CTNNAL1: variants seen among roughly 807,000 people sequenced by gnomAD.
CTNNAL1 encodes the protein catenin alpha like 1, also known as alpha-catulin.
A neutral mutation model predicts 93.6 loss-of-function variants in CTNNAL1; 69 were observed. The ratio of observed to expected loss-of-function variants is 0.74; its 90% CI spans 0.61 to 0.90. The LOEUF is 0.90. CTNNAL1 is among the 40% of genes least tolerant of loss of function. The pLI is 0.00. For missense variants in CTNNAL1, 836 were observed against 862.0 expected, an observed-to-expected ratio of 0.97 and a Z score of 0.38; for synonymous variants, 286 against 305.4, an observed-to-expected ratio of 0.94 and a Z score of 0.66.
intron 11 of CTNNAL1, among the ~76,000 whole-genome samples, chr9:108,960,162 G>C (rs1467087750): frequency 6.6e-6 from 1 of 152,110 alleles, no homozygotes; most frequent in Admixed American, 6.5e-5. Flanking sequence ...CTAAAGCATA[G>C]GCAGCTTATC....
intron 2 of CTNNAL1, among the ~76,000 whole-genome samples, chr9:108,996,316 GACAA>G (rs1832017385): frequency 6.6e-6 from 1 of 152,026 alleles, no homozygotes; most frequent in African/African-American, 2.4e-5. Flanking sequence ...GAACACTGTT[GACAA>G]ACAAAGAAAA....
intron 1 of CTNNAL1, among the ~76,000 whole-genome samples, chr9:109,010,395 T>TA (rs1564155849): frequency 6.6e-6 from 1 of 152,236 alleles, no homozygotes; most frequent in Non-Finnish European, 1.5e-5. Context: ...CTCCTTGTCA[T>TA]ATTACACTGG....
chr9:108,948,853 C>G (rs1389316283), intron 14 of CTNNAL1, among the ~76,000 whole-genome samples: 1 of 151,810 alleles, frequency 6.6e-6, no homozygotes, highest in Non-Finnish European at 1.5e-5. Flanking sequence ...GAGCAATGGA[C>G]TAGGGATAAG....
intron 1 of CTNNAL1, among the ~76,000 whole-genome samples, chr9:109,003,109 G>A (rs886641508): frequency 3.3e-5 from 5 of 152,096 alleles, no homozygotes; most frequent in Non-Finnish European, 5.9e-5. Flanking sequence ...CTAAGGGTAC[G>A]ACTATAAAAT....
intron 10 of CTNNAL1, among the ~76,000 whole-genome samples, chr9:108,968,813 C>G (rs571048830): frequency 6.6e-6 from 1 of 152,254 alleles, no homozygotes; most frequent in African/African-American, 2.4e-5. Flanking sequence ...ATCAAAGATG[C>G]AGGGACTCAA....
intron 11 of CTNNAL1, among the ~76,000 whole-genome samples, chr9:108,964,312 T>C (rs1440177477): frequency 1.3e-5 from 2 of 152,160 alleles, no homozygotes; most frequent in Non-Finnish European, 2.9e-5. Context: ...ATTTTTAAAA[T>C]ATGAAATGTT....
rs113756580 is a variant in CTNNAL1, at chr9:108,958,002, G to A, written c.1592-2175C>T. Among the ~76,000 whole-genome samples, 375 of 119,544 alleles carry A rather than the reference G, an allele frequency of 3.1e-3. 2 individuals carry two copies. The highest frequency in any genetic ancestry group is 0.011 in the African/African-American group (355 of 31,110). 78.4% of individuals were successfully genotyped at this position (119,544 alleles called of 152,430 possible). ...GCGTAGTGGTGCATGCCTGTAGTCT[G>A]TTCTTTTTTCTGTTTTTTGTTTTGT... On this transcript the variant is annotated intron_variant, in intron 11 of 18. Transcript: ENST00000325551.
At chr9:108,972,864 G>GGGGGGGGGGCGCCCCCCCCCC in intron 8 of CTNNAL1, 31 bp from the exon 9 acceptor site, 3 of 142,566 alleles carry the variant, frequency 2.1e-5, no homozygotes, top group Non-Finnish European at 3.0e-5. Context: ...GGGGGGGTGG[G>GGGGGGGGGGCGCCCCCCCCCC]AGGGTGGAGA....
intron 14 of CTNNAL1, chr9:108,950,832 A>T: frequency 2.2e-6 from 1 of 451,792 alleles, no homozygotes; most frequent in East Asian, 3.6e-5. Context: ...TTGTGTCCCT[A>T]TGAGGTAAGA....
At chr9:108,948,424 AT>A (rs1351928664) in intron 14 of CTNNAL1, among the ~76,000 whole-genome samples, 190 bp from the exon 15 acceptor site, 1 of 152,190 alleles carries the variant, frequency 6.6e-6, no homozygotes, top group African/African-American at 2.4e-5. Flanking sequence ...TTATTAAGAT[AT>A]TTTTCCCCAA....
intron 12 of CTNNAL1, 27 bp from the exon 13 acceptor site, chr9:108,952,521 T>C (rs754431959): frequency 6.2e-7 from 1 of 1,613,232 alleles, no homozygotes; most frequent in South Asian, 1.1e-5. Flanking sequence ...ATTAAGATTA[T>C]CTTAAAAAGC....
In CTNNAL1 at chr9:109,013,425, T is replaced by C. The variant is rs1193623339; in HGVS notation, c.18A>G (p.Gly6=). MAASP[G]PAGVGGAGAV... ...CTCCGGCGCCGCCAACGCCGGCGGG[T>C]CCGGGAGAGGCGGCCATGGCCCTCG... Residue 6 remains glycine (G), a synonymous_variant, in exon 1 of 19, where the codon GGA becomes GGG. Transcript: ENST00000325551. 1 of 1,478,668 alleles carries C rather than the reference T, an allele frequency of 6.8e-7. No individual in the cohort carries two copies. The highest frequency in any genetic ancestry group is 3.0e-5 in the East Asian group (1 of 33,684). 91.6% of individuals were successfully genotyped at this position (1,478,668 alleles called of 1,614,324 possible). A position where few individuals can be genotyped will look rare whatever the true frequency, so the allele number is the denominator to read the frequency against.
At chr9:108,968,534 T>C (rs1353120075) in intron 10 of CTNNAL1, among the ~76,000 whole-genome samples, 5 of 152,258 alleles carry the variant, frequency 3.3e-5, no homozygotes, top group African/African-American at 7.2e-5. Flanking sequence ...TCTATTGGAA[T>C]ACTTTTGCAG....
At chr9:108,986,979 G>A (rs1271013798) in intron 4 of CTNNAL1, among the ~76,000 whole-genome samples, 1 of 152,114 alleles carries the variant, frequency 6.6e-6, no homozygotes, top group Non-Finnish European at 1.5e-5. Context: ...TTTGTAGGTT[G>A]CCTGTTCACT....
At chr9:108,945,197 G>A (rs1830365238) in intron 15 of CTNNAL1, among the ~76,000 whole-genome samples, 1 of 152,126 alleles carries the variant, frequency 6.6e-6, no homozygotes, top group African/African-American at 2.4e-5. Flanking sequence ...GTATCCATGG[G>A]AGATTGGTTC....
chr9:108,968,553 AG>A (rs1468388201), intron 10 of CTNNAL1, among the ~76,000 whole-genome samples: 1 of 152,276 alleles, frequency 6.6e-6, no homozygotes, highest in Non-Finnish European at 1.5e-5. Context: ...AGCCAAGGCA[AG>A]AAAAGTGACT....
At position 108,952,268 on chromosome 9, in the gene CTNNAL1, C is replaced by G; in HGVS notation, c.1776G>C (p.Glu592Asp). Residue 592 changes from glutamate to aspartate, a missense_variant, in exon 14 of 19, where the codon GAG becomes GAC. By Grantham distance (45) the Glu-to-Asp change is conservative. Transcript: ENST00000325551. The stretch of plus-strand genomic sequence containing the variant: ...ACATGTTCCGTCCATATTGAACAAT[C>G]TCATTCTCCTGATCTTCCCACTTCT... ...EIEKWEDQEN[E>D]IVQYGRNMSS... 1.2e-6 allele frequency: 2 copies of G among 1,614,166 alleles called. No individual in the cohort carries two copies. Among genetic ancestry groups the G allele is most frequent in the South Asian group, 1.1e-5 (1 of 91,080 alleles).
intron 3 of CTNNAL1, chr9:108,992,013 G>A: frequency 1.3e-6 from 1 of 750,034 alleles, no homozygotes; most frequent in East Asian, 2.5e-5. Flanking sequence ...TGTAGTTGTG[G>A]ATAATTATCA....
chr9:108,955,183 A>G (rs946119847), intron 12 of CTNNAL1, among the ~76,000 whole-genome samples: 15 of 152,012 alleles, frequency 9.9e-5, no homozygotes, highest in African/African-American at 3.6e-4. Context: ...ACACGGTTTC[A>G]CCATGTTGGC....
Sources: gnomAD v4.1 joint callset for allele counts (sites outside exome capture counted in the v4.1 genomes callset) on GRCh38, gnomAD v4.1.1 for gene constraint, MANE v1.5 for transcripts, NCBI Gene and HGNC (gene_info 2026-07-23, HGNC 2026-07-21) for gene names.